PTPRD: variants seen among roughly 807,000 people sequenced by gnomAD.
PTPRD encodes the protein receptor-type tyrosine-protein phosphatase delta.
In PTPRD, 34 loss-of-function variants were observed where a neutral mutation model predicts 214.5. The ratio of observed to expected loss-of-function variants is 0.16; its 90% CI spans 0.12 to 0.21. PTPRD has a LOEUF of 0.21. Among genes scored for constraint, PTPRD ranks in the 10% least tolerant of loss-of-function variants. PTPRD has a pLI of 1.00. For synonymous variants in PTPRD, 1,128 were observed against 845.7 expected, an observed-to-expected ratio of 1.33 and a Z score of -5.79; for missense variants, 2,545 against 2,398.7, an observed-to-expected ratio of 1.06 and a Z score of -1.27.
chr9:10,540,087 G>A (rs958174227), intron 2 of PTPRD, among the ~76,000 whole-genome samples: 1 of 152,078 alleles, frequency 6.6e-6, no homozygotes, highest in Non-Finnish European at 1.5e-5. Context: ...TTGGAGTGCA[G>A]TGGCATGGTC....
intron 4 of PTPRD, among the ~76,000 whole-genome samples, chr9:9,965,668 C>G (rs1486135027): frequency 1.3e-5 from 2 of 152,184 alleles, no homozygotes; most frequent in African/African-American, 4.8e-5. Flanking sequence ...TGGAGCCACA[C>G]AGATGTGAGT....
chr9:10,019,649 C>T (rs1469694629), intron 4 of PTPRD, among the ~76,000 whole-genome samples: 1 of 152,058 alleles, frequency 6.6e-6, no homozygotes, highest in African/African-American at 2.4e-5. Context: ...AAGCTGGAAA[C>T]CGTCATTCTC....
At chr9:9,919,935 A>T (rs769066282) in intron 5 of PTPRD, among the ~76,000 whole-genome samples, 1 of 152,158 alleles carries the variant, frequency 6.6e-6, no homozygotes, top group Non-Finnish European at 1.5e-5. Context: ...ATAATCTGTT[A>T]CATTTGTAAC....
chr9:10,137,816 G>T (rs1484063836), intron 3 of PTPRD, among the ~76,000 whole-genome samples: 1 of 151,466 alleles, frequency 6.6e-6, no homozygotes, highest in Non-Finnish European at 1.5e-5. Flanking sequence ...AAAATTAAGG[G>T]AGAAATTGTA....
Position 10,405,622 on chromosome 9 carries a change from G to A in PTPRD, c.-599-64605C>T, listed in dbSNP as rs565566138. On this transcript the variant is annotated intron_variant, in intron 2 of 45. Transcript: ENST00000381196. ...AATCACTTATATATTAGTTTATACT[G>A]CGTAAAAATTAAAGAAGTGTATGTA... Among the ~76,000 whole-genome samples, 6 of 151,616 alleles carry A rather than the reference G, an allele frequency of 4.0e-5. No individual in the cohort carries two copies. The South Asian group carries it at 1.2e-3, about 31-fold the overall frequency.
At position 8,425,781 on chromosome 9, in the gene PTPRD, C is replaced by T. The variant is rs577162653; in HGVS notation, c.4086+10811G>A. Among the ~76,000 whole-genome samples the T allele has an allele frequency of 2.0e-5, 3 of 152,210 alleles. No homozygotes were observed. In the South Asian group the frequency reaches 6.2e-4, roughly 32 times the overall value. ...ACAGATGAAGGCATTCAAGCTACTC[C>T]TCTTATAAACAAAGAAACTGAGATC... On this transcript the variant is annotated intron_variant, in intron 35 of 45. Transcript: ENST00000381196.
chr9:9,357,007 C>A (rs924501034), intron 9 of PTPRD, among the ~76,000 whole-genome samples: 12 of 151,260 alleles, frequency 7.9e-5, no homozygotes, highest in African/African-American at 2.9e-4. Context: ...GGATTTGGGT[C>A]TCAAATATAA....
chr9:10,061,893 A>C (rs2097782974), intron 3 of PTPRD, among the ~76,000 whole-genome samples: 1 of 152,020 alleles, frequency 6.6e-6, no homozygotes, highest in South Asian at 2.1e-4. Flanking sequence ...TATCACCCGG[A>C]ACTCGCTAGA....
intron 5 of PTPRD, among the ~76,000 whole-genome samples, chr9:9,869,468 T>C (rs983718925): frequency 2.0e-5 from 3 of 152,152 alleles, no homozygotes; most frequent in African/African-American, 7.2e-5. Flanking sequence ...CTACCTGGAC[T>C]CACCTATAGC....
At chr9:8,619,384 T>A (rs988855261) in intron 14 of PTPRD, among the ~76,000 whole-genome samples, 2 of 151,212 alleles carry the variant, frequency 1.3e-5, no homozygotes, top group African/African-American at 4.9e-5. Context: ...GTAACCAACA[T>A]TCTACTCTCT....
At chr9:10,436,200 G>A (rs538152291) in intron 2 of PTPRD, among the ~76,000 whole-genome samples, 1 of 151,836 alleles carries the variant, frequency 6.6e-6, no homozygotes, top group South Asian at 2.1e-4. Context: ...AAAAGACAGT[G>A]TTTACAATCA....
At chr9:9,524,452 C>T (rs1385939483) in intron 8 of PTPRD, among the ~76,000 whole-genome samples, 2 of 152,134 alleles carry the variant, frequency 1.3e-5, no homozygotes, top group East Asian at 1.9e-4. Context: ...ACTAATAATG[C>T]AAATTTTCTA....
At chr9:9,186,703 A>G (rs1417161668) in intron 9 of PTPRD, among the ~76,000 whole-genome samples, 1 of 151,432 alleles carries the variant, frequency 6.6e-6, no homozygotes, top group Admixed American at 6.6e-5. Context: ...CCTAATACAT[A>G]TGTGTGTATG....
In PTPRD at chr9:8,594,796, A is replaced by G. The variant is rs574471179; in HGVS notation, c.352+38521T>C. Reference sequence around the variant, plus strand: ...GAGTTGATTAAGCCTCTTTTCTTATAAATTACCCAGTCTTGAGTATTTCTT... The same window carrying G: ...GAGTTGATTAAGCCTCTTTTCTTATGAATTACCCAGTCTTGAGTATTTCTT... On this transcript the variant is annotated intron_variant, in intron 14 of 45. Coordinates refer to ENST00000381196, the MANE Select transcript of PTPRD (RefSeq NM_002839.4). Among the ~76,000 whole-genome samples, 175 of 152,038 alleles carry G rather than the reference A, an allele frequency of 1.2e-3. 1 individual carries two copies. Among genetic ancestry groups the G allele is most frequent in the Admixed American group, 1.8e-3 (28 of 15,258 alleles).
At chr9:10,598,670 A>ACGTG (rs879324469) in intron 2 of PTPRD, among the ~76,000 whole-genome samples, 1 of 80,940 alleles carries the variant, frequency 1.2e-5, no homozygotes, top group Non-Finnish European at 2.5e-5. Flanking sequence ...ATTTTTATAT[A>ACGTG]TGTATGTGTG....
rs539285068 is a variant in PTPRD, at chr9:8,997,897, A to G, written c.-104+20800T>C. The stretch of plus-strand genomic sequence containing the variant: ...TATTGCTGATATGGAGAAAGCTTCA[A>G]TAGTCTGGATAGAAGATCAAACCAG... On this transcript the variant is annotated intron_variant, in intron 11 of 45. Coordinates refer to ENST00000381196, the MANE Select transcript of PTPRD (RefSeq NM_002839.4). Among the ~76,000 whole-genome samples the G allele has an allele frequency of 6.7e-4, 102 of 152,242 alleles. 1 individual carries two copies. The highest frequency in any genetic ancestry group is 2.3e-3 in the African/African-American group (94 of 41,564).
At chr9:9,147,484 T>A (rs1045992966) in intron 10 of PTPRD, among the ~76,000 whole-genome samples, 2 of 152,156 alleles carry the variant, frequency 1.3e-5, no homozygotes, top group Admixed American at 1.3e-4. Context: ...CAAACTACAC[T>A]AGGACCTGCC....
chr9:10,571,646 T>A (rs17203583), intron 2 of PTPRD, among the ~76,000 whole-genome samples: 8,556 of 152,194 alleles, frequency 0.056, 399 homozygotes, highest in Middle Eastern at 0.12. Flanking sequence ...AATGCCAATA[T>A]ATAAAACAGT....
intron 3 of PTPRD, among the ~76,000 whole-genome samples, chr9:10,069,883 T>C (rs773364322): frequency 3.9e-5 from 6 of 152,114 alleles, no homozygotes; most frequent in African/African-American, 7.2e-5. Flanking sequence ...AAATTATATA[T>C]ACTATAAAAG....
Sources: allele counts gnomAD v4.1 joint callset (sites outside exome capture counted in the v4.1 genomes callset), GRCh38; gene constraint gnomAD v4.1.1; transcripts MANE v1.5; gene names NCBI Gene and HGNC (gene_info 2026-07-23, HGNC 2026-07-21).